The following WDR7 variants were observed in gnomAD, a reference collection of about 807,000 sequenced individuals.
WDR7 encodes the protein WD repeat domain 7.
Under a neutral mutation model 169.4 loss-of-function variants are expected in WDR7, and 46 were observed. The observed-to-expected ratio is 0.27, with a 90% confidence interval of 0.21 to 0.35. The LOEUF (loss-of-function observed/expected upper bound fraction) is 0.35, where lower values mean the gene tolerates loss of function less well. Among genes scored for constraint, WDR7 ranks in the 10% least tolerant of loss-of-function variants. The pLI is 1.00. For missense variants in WDR7, 1,534 were observed against 1,859.3 expected (o/e 0.83, Z 3.22); for synonymous variants, 612 against 666.8 (o/e 0.92, Z 1.27).
At chr18:56,945,716 C>T (rs1175297798) in intron 25 of WDR7, among the ~76,000 whole-genome samples, 2 of 152,260 alleles carry the variant, frequency 1.3e-5, no homozygotes, top group East Asian at 1.9e-4. Flanking sequence ...CTAGGATCCA[C>T]ATGACAGCCA....
chr18:56,881,270 G>A (rs746288031), intron 21 of WDR7, among the ~76,000 whole-genome samples: 15 of 152,070 alleles, frequency 9.9e-5, no homozygotes, highest in East Asian at 1.9e-4. Context: ...GAGTAATAAC[G>A]TTTAAATTTA....
chr18:56,682,583 A>G (rs1189228076), intron 4 of WDR7, 96 bp from the exon 5 acceptor site: 2 of 1,364,972 alleles, frequency 1.5e-6, no homozygotes, highest in East Asian at 4.6e-5. Context: ...GAGCTTTAGG[A>G]GAATATTGTA....
At chr18:56,792,838 G>C (rs184128710) in intron 19 of WDR7, among the ~76,000 whole-genome samples, 1 of 151,850 alleles carries the variant, frequency 6.6e-6, no homozygotes. Flanking sequence ...GGCAGAATTA[G>C]TAAAGAGTTA....
chr18:56,965,567 G>A (rs753606123), intron 26 of WDR7, among the ~76,000 whole-genome samples: 2 of 151,728 alleles, frequency 1.3e-5, no homozygotes, highest in Non-Finnish European at 2.9e-5. Flanking sequence ...GACAAACTAT[G>A]GCCTGAAGCT....
intron 12 of WDR7, among the ~76,000 whole-genome samples, chr18:56,716,418 CAA>C (rs1482177541): frequency 6.6e-6 from 1 of 151,522 alleles, no homozygotes; most frequent in South Asian, 2.1e-4. Context: ...ATGAAGCTAA[CAA>C]AGAATAAAAA....
chr18:56,883,217 A>C (rs1218281339), intron 21 of WDR7, among the ~76,000 whole-genome samples: 1 of 151,642 alleles, frequency 6.6e-6, no homozygotes, highest in Non-Finnish European at 1.5e-5. Flanking sequence ...CTCAAAAAAA[A>C]AAAAAAAAAA....
chr18:56,742,876 C>T (rs1032335577), intron 14 of WDR7, among the ~76,000 whole-genome samples: 2 of 151,850 alleles, frequency 1.3e-5, no homozygotes, highest in African/African-American at 2.4e-5. Context: ...GGAAATGAGG[C>T]GAGTCCATTA....
intron 22 of WDR7, among the ~76,000 whole-genome samples, chr18:56,931,725 C>T (rs998506384): frequency 2.0e-5 from 3 of 152,026 alleles, no homozygotes; most frequent in Admixed American, 6.5e-5. Flanking sequence ...TGAGTGCTAT[C>T]GTAGTTAAGA....
chr18:56,781,410 C>T, intron 18 of WDR7, 123 bp from the exon 19 acceptor site: 2 of 1,085,752 alleles, frequency 1.8e-6, no homozygotes, highest in Non-Finnish European at 2.4e-6. Flanking sequence ...TAGTGTTTTT[C>T]ATGTAAATAA....
chr18:56,799,321 G>A (rs1004200688), intron 19 of WDR7, among the ~76,000 whole-genome samples: 1 of 152,102 alleles, frequency 6.6e-6, no homozygotes, highest in African/African-American at 2.4e-5. Context: ...TAGAATCTCT[G>A]TGAAATATAT....
chr18:56,795,310 C>G (rs1292779693), intron 19 of WDR7, among the ~76,000 whole-genome samples: 1 of 152,128 alleles, frequency 6.6e-6, no homozygotes, highest in Non-Finnish European at 1.5e-5. Flanking sequence ...TGAGTCAACT[C>G]ATGTAAGAAT....
At chr18:56,928,220 T>C (rs909886537) in intron 22 of WDR7, among the ~76,000 whole-genome samples, 1 of 152,130 alleles carries the variant, frequency 6.6e-6, no homozygotes, top group Admixed American at 6.5e-5. Context: ...TCCTAGCACT[T>C]TGGGAGGCCG....
At chr18:56,998,023 A>G (rs1028097109) in intron 26 of WDR7, among the ~76,000 whole-genome samples, 5 of 152,192 alleles carry the variant, frequency 3.3e-5, no homozygotes, top group Admixed American at 6.5e-5. Flanking sequence ...ACTTCTTATC[A>G]TGTATGGCTT....
chr18:56,939,385 C>T lies in WDR7; in HGVS notation c.4056C>T (p.Ala1352=). ...AAGGTCTTCAAGAATGTTTCCCAGC[C>T]ATCTGCAGGTAAAGAAGCCTTCAAG... ...KKKGLQECFP[A]ICRFYMVSYY... The change falls in exon 25 of 28, where the codon GCC becomes GCT. Residue 1352 remains alanine, a synonymous_variant. Transcript: ENST00000254442. The T allele has an allele frequency of 1.9e-6, 3 of 1,571,206 alleles. No individual in the cohort carries two copies. The Admixed American group carries it at 5.3e-5, about 28-fold the overall frequency.
At chr18:56,783,763 G>A (rs1346685964) in intron 19 of WDR7, among the ~76,000 whole-genome samples, 1 of 152,166 alleles carries the variant, frequency 6.6e-6, no homozygotes, top group Non-Finnish European at 1.5e-5. Flanking sequence ...CCAAAGATTA[G>A]TACAGGGTTG....
chr18:56,904,355 C>T (rs1307147088), intron 21 of WDR7, among the ~76,000 whole-genome samples: 3 of 152,174 alleles, frequency 2.0e-5, no homozygotes, highest in Admixed American at 1.3e-4. Context: ...CAGGTGTGAG[C>T]TACTGTGCCT....
intron 22 of WDR7, among the ~76,000 whole-genome samples, chr18:56,931,067 T>G (rs563188296): frequency 9.8e-5 from 15 of 152,334 alleles, no homozygotes; most frequent in Admixed American, 3.9e-4. Flanking sequence ...ATCTCTGATA[T>G]TTCATATTGG....
intron 20 of WDR7, among the ~76,000 whole-genome samples, chr18:56,838,945 CTG>C (rs1262883184): frequency 1.2e-4 from 19 of 152,092 alleles, no homozygotes; most frequent in Middle Eastern, 3.4e-3. Context: ...CAAATAAAAA[CTG>C]TGTATGATTA....
chr18:56,765,814 CTATT>C (rs200152591), intron 16 of WDR7, among the ~76,000 whole-genome samples: 2,118 of 151,804 alleles, frequency 0.014, 22 homozygotes, highest in East Asian at 0.032. Flanking sequence ...ATCTATCTAT[CTATT>C]TATTTATTTA....
Sources: gnomAD v4.1 joint callset for allele counts (sites outside exome capture counted in the v4.1 genomes callset) on GRCh38, gnomAD v4.1.1 for gene constraint, MANE v1.5 for transcripts, NCBI Gene and HGNC (gene_info 2026-07-23, HGNC 2026-07-21) for gene names.